Variants in DNAH5 observed in about 807,000 individuals in gnomAD.
The protein encoded by DNAH5 is axonemal beta dynein heavy chain 5.
DNAH5 carries 372 observed loss-of-function variants against 518.2 expected under a neutral mutation model. The observed-to-expected ratio is 0.72, with a 90% CI of 0.66 to 0.78. The LOEUF (loss-of-function observed/expected upper bound fraction) is 0.78, where lower values mean the gene tolerates loss of function less well. Among genes scored for constraint, DNAH5 ranks in the 30% least tolerant of loss-of-function variants. The pLI, the probability that DNAH5 is intolerant of heterozygous loss-of-function variation, is 0.00. For missense variants in DNAH5, 5,523 were observed against 5,687.0 expected (o/e 0.97, Z 0.93); for synonymous variants, 2,039 against 2,025.9 (o/e 1.01, Z -0.17).
intron 25 of DNAH5, 150 bp from the exon 26 acceptor site, chr5:13,866,432 A>T: frequency 2.9e-6 from 2 of 696,300 alleles, no homozygotes; most frequent in Non-Finnish European, 2.4e-6. Context: ...TCACAAAGTG[A>T]TTCATTTAGA....
chr5:13,872,502 G>T (rs1158109198), intron 22 of DNAH5, among the ~76,000 whole-genome samples: 1 of 152,006 alleles, frequency 6.6e-6, no homozygotes, highest in African/African-American at 2.4e-5. Context: ...ATGTTTCTAG[G>T]TATTTTTCAA....
chr5:14,005,783 G>A (rs915200240), intron 1 of DNAH5, among the ~76,000 whole-genome samples: 1 of 152,210 alleles, frequency 6.6e-6, no homozygotes, highest in Non-Finnish European at 1.5e-5. Context: ...AAAGCACACA[G>A]ATAATTTTCT....
At chr5:13,725,616 A>G (rs2126554173) in intron 70 of DNAH5, among the ~76,000 whole-genome samples, 1 of 152,282 alleles carries the variant, frequency 6.6e-6, no homozygotes, top group Non-Finnish European at 1.5e-5. Context: ...TGGGGGAGAA[A>G]ATGAACAAAT....
chr5:13,772,708 A>C (rs112372005), intron 55 of DNAH5, among the ~76,000 whole-genome samples: 228 of 152,370 alleles, frequency 1.5e-3, no homozygotes, highest in African/African-American at 5.1e-3. Flanking sequence ...AGTTATTAAA[A>C]TTACTACAAA....
At chr5:13,858,239 C>T (rs2652778) in intron 30 of DNAH5, among the ~76,000 whole-genome samples, 66,971 of 151,846 alleles carry the variant, frequency 0.44, 14,971 homozygotes, top group South Asian at 0.5. Context: ...TATGCAGCCA[C>T]AAAAAAGGAG....
At chr5:13,913,595 A>AG in intron 11 of DNAH5, 148 bp downstream of exon 11, 1 of 955,452 alleles carries the variant, frequency 1.0e-6, no homozygotes, top group African/African-American at 1.7e-5. Flanking sequence ...AAACAAATCT[A>AG]ATTTCTTTAT....
intron 5 of DNAH5, among the ~76,000 whole-genome samples, chr5:13,921,466 A>ATC (rs147710238): frequency 0.056 from 4,100 of 72,872 alleles, 140 homozygotes; most frequent in Middle Eastern, 0.12. Context: ...CTCTTGCTCT[A>ATC]TCTCTCTCTC....
chr5:14,011,787 C>T (rs1055795935), exon 1 of DNAH5, among the ~76,000 whole-genome samples: 138 of 152,314 alleles, frequency 9.1e-4, no homozygotes, highest in African/African-American at 3.0e-3. Context: ...GGCTAGCCGG[C>T]TGTTTGCTGC....
At chr5:13,884,914 GCACACACA>G (rs60385373) in intron 19 of DNAH5, 67 bp downstream of exon 19, 4 of 1,511,124 alleles carry the variant, frequency 2.6e-6, no homozygotes, top group East Asian at 2.4e-5. Context: ...GTGCACACGT[GCACACACA>G]CACACACACA....
intron 1 of DNAH5, among the ~76,000 whole-genome samples, chr5:13,956,018 G>A (rs375776880): frequency 1.3e-5 from 2 of 152,066 alleles, no homozygotes; most frequent in African/African-American, 4.8e-5. Flanking sequence ...AACCACCACC[G>A]CTGTCCACGC....
chr5:13,864,878 G>A (rs370285533), intron 27 of DNAH5, among the ~76,000 whole-genome samples: 39 of 152,174 alleles, frequency 2.6e-4, no homozygotes, highest in African/African-American at 9.4e-4. Flanking sequence ...CTAGTTAGAG[G>A]CATTATTTTA....
chr5:13,876,578 A>G, intron 22 of DNAH5, 106 bp downstream of exon 22: 2 of 1,326,798 alleles, frequency 1.5e-6, no homozygotes, highest in Admixed American at 2.2e-5. Context: ...CTGAAAGCAC[A>G]GTGTGTGAGA....
rs1331363616 is a variant in DNAH5, at chr5:13,766,156, G to A, written c.9921C>T (p.Ala3307=). The stretch of plus-strand genomic sequence containing the variant: ...GGGGGCGGCCCAACGTGCGAACAGT[G>A]GCGATGTCCGAAGGCCTGATGGTCT... The part of the protein sequence containing the change: ...ALQTIRPSDI[A]TVRTLGRPPH... The change falls in exon 59 of 79, where the codon GCC becomes GCT. Residue 3307 remains alanine, a synonymous_variant. Coordinates refer to ENST00000265104, the MANE Select transcript of DNAH5 (RefSeq NM_001369.3). 4 of 1,614,200 alleles carry A rather than the reference G, an allele frequency of 2.5e-6. No individual in the cohort carries two copies. Among genetic ancestry groups the A allele is most frequent in the Non-Finnish European group, 3.4e-6 (4 of 1,180,006 alleles).
intron 1 of DNAH5, among the ~76,000 whole-genome samples, chr5:13,991,856 C>T (rs1179526230): frequency 1.3e-5 from 2 of 152,176 alleles, no homozygotes; most frequent in Non-Finnish European, 2.9e-5. Flanking sequence ...AAATCTCCAT[C>T]TGCGAAAGAG....
In DNAH5 at chr5:13,718,931, G is replaced by A. The variant is rs2126518025; in HGVS notation, c.12450C>T (p.Ala4150=). The change falls in exon 72 of 79, where the codon GCC becomes GCT. Residue 4150 remains alanine (A), a synonymous_variant. Coordinates refer to ENST00000265104, the MANE Select transcript of DNAH5 (RefSeq NM_001369.3). ...ITLLQMSIKF[A]NDPPQGLRAG... is the part of the protein sequence containing the mutation. Reference sequence around the variant, plus strand: ...CCCGGAGTCCTTGTGGAGGATCGTTGGCAAATTTAATGGACATCTGAAGGA... The same window carrying A: ...CCCGGAGTCCTTGTGGAGGATCGTTAGCAAATTTAATGGACATCTGAAGGA... The A allele has an allele frequency of 6.2e-7, 1 of 1,614,050 alleles. No individual in the cohort carries two copies. Among genetic ancestry groups the A allele is most frequent in the East Asian group, 2.2e-5 (1 of 44,876 alleles).
intron 76 of DNAH5, 66 bp downstream of exon 76, chr5:13,708,057 A>G: frequency 6.5e-7 from 1 of 1,530,324 alleles, no homozygotes; most frequent in South Asian, 1.1e-5. Context: ...CATGCTTTCC[A>G]CTTGCCAATT....
chr5:13,901,438 G>A lies in DNAH5; in HGVS notation c.1866C>T (p.Pro622=). ...YDPPLARNQP[P]IAGKILWARQ... ...GGGCCCACAAAATCTTTCCAGCGATGGGAGGCTGGTTTCGAGCCAGAGGAG... is the reference window on the plus strand; with the variant it reads ...GGGCCCACAAAATCTTTCCAGCGATAGGAGGCTGGTTTCGAGCCAGAGGAG... The change falls in exon 14 of 79, where the codon CCC becomes CCT. Residue 622 remains proline (P), a synonymous_variant. Transcript: ENST00000265104. The A allele has an allele frequency of 6.2e-7, 1 of 1,614,030 alleles. No individual in the cohort carries two copies. Among genetic ancestry groups the A allele is most frequent in the Non-Finnish European group, 8.5e-7 (1 of 1,179,990 alleles).
intron 78 of DNAH5, among the ~76,000 whole-genome samples, chr5:13,695,573 C>T (rs910340921): frequency 1.3e-5 from 2 of 152,182 alleles, no homozygotes; most frequent in Non-Finnish European, 2.9e-5. Flanking sequence ...TCATGACAAA[C>T]AAATGTGATT....
Position 13,776,496 on chromosome 5 carries a change from T to C in DNAH5, c.9316A>G (p.Ile3106Val), listed in dbSNP as rs1754105896. 3 of 1,613,810 alleles carry C rather than the reference T, an allele frequency of 1.9e-6. No individual in the cohort carries two copies. The highest frequency in any genetic ancestry group is 2.5e-6 in the Non-Finnish European group (3 of 1,179,822). ...RNRALKFPAL[I>V]SGCTIDWFSR... ...AACCAGTCAATTGTGCATCCTGAAATTAGGGCAGGGAACTTCAAAGCTCTG... is the reference window on the plus strand; with the variant it reads ...AACCAGTCAATTGTGCATCCTGAAACTAGGGCAGGGAACTTCAAAGCTCTG... Residue 3106 changes from isoleucine (I) to valine (V), a missense_variant, in exon 55 of 79, where the codon ATT becomes GTT. Coordinates refer to ENST00000265104, the MANE Select transcript of DNAH5 (RefSeq NM_001369.3).
Sources: gnomAD v4.1 joint callset for allele counts (sites outside exome capture counted in the v4.1 genomes callset) on GRCh38, gnomAD v4.1.1 for gene constraint, MANE v1.5 for transcripts, NCBI Gene and HGNC (gene_info 2026-07-23, HGNC 2026-07-21) for gene names.